TCERG1: variants seen among roughly 807,000 people sequenced by gnomAD.
TCERG1 encodes the protein transcription elongation regulator 1.
Under a neutral mutation model 144.7 loss-of-function variants are expected in TCERG1, and 37 were observed. The observed-to-expected ratio is 0.26, with a 90% CI of 0.20 to 0.34. TCERG1 has a LOEUF of 0.34. Ranked by LOEUF, TCERG1 falls within the 10% of genes least tolerant of loss-of-function variation. The probability of loss-of-function intolerance (pLI) is 1.00; values close to 1 mark genes in which losing one functional copy is unlikely to be tolerated. For synonymous variants in TCERG1, 492 were observed against 458.2 expected (o/e 1.07, Z -0.94); for missense variants, 1,027 against 1,380.7 (o/e 0.74, Z 4.06).
chr5:146,485,180 G>A (rs1401226830), intron 15 of TCERG1, among the ~76,000 whole-genome samples: 1 of 152,076 alleles, frequency 6.6e-6, no homozygotes. Flanking sequence ...AGTCATTCTG[G>A]TGTTTGCTAT....
chr5:146,500,174 T>TA (rs970259091), intron 17 of TCERG1, among the ~76,000 whole-genome samples: 69 of 147,520 alleles, frequency 4.7e-4, no homozygotes, highest in Middle Eastern at 3.4e-3. Flanking sequence ...ATTACTAGAT[T>TA]AAAAAAAAAA....
chr5:146,483,851 G>A (rs571515099), intron 15 of TCERG1, among the ~76,000 whole-genome samples: 1 of 151,850 alleles, frequency 6.6e-6, no homozygotes, highest in Non-Finnish European at 1.5e-5. Flanking sequence ...TAAACATTTT[G>A]TCCTTATGCC....
intron 15 of TCERG1, among the ~76,000 whole-genome samples, chr5:146,487,517 C>G (rs918136561): frequency 1.4e-4 from 22 of 152,094 alleles, no homozygotes; most frequent in African/African-American, 5.3e-4. Flanking sequence ...AAAACCAAGG[C>G]AGGAGATCAC....
chr5:146,507,010 A>G lies in TCERG1; in HGVS notation c.2782-18A>G. The G allele has an allele frequency of 6.4e-7, 1 of 1,550,606 alleles. No homozygotes were observed. The highest frequency in any genetic ancestry group is 2.1e-5 in the Admixed American group (1 of 46,738). On this transcript the variant is annotated intron_variant, in intron 19 of 22. Coordinates refer to ENST00000679501, the MANE Select transcript of TCERG1 (RefSeq NM_001382548.1). The surrounding 1 kb of genome is among the most constrained non-coding windows in gnomAD (Gnocchi z 4.6). ...GATAAGTCTCTTTGGTGATATATAT[A>G]TAATTTTTTCTCTTCAGGTACGTTC...
intron 5 of TCERG1, among the ~76,000 whole-genome samples, chr5:146,466,177 C>T (rs1763772165): frequency 6.6e-6 from 1 of 151,988 alleles, no homozygotes; most frequent in African/African-American, 2.4e-5. Flanking sequence ...TTGTTTTTTT[C>T]TTCCCCAAAT....
chr5:146,468,455 T>C, intron 6 of TCERG1, 52 bp downstream of exon 6: 1 of 1,535,258 alleles, frequency 6.5e-7, no homozygotes, highest in Non-Finnish European at 8.9e-7. Flanking sequence ...GGCATGGTAG[T>C]GAATGTTGTT....
chr5:146,458,010 C>A (rs1358966833), intron 3 of TCERG1, among the ~76,000 whole-genome samples: 1 of 151,326 alleles, frequency 6.6e-6, no homozygotes, highest in Non-Finnish European at 1.5e-5. Context: ...CCATCATGCT[C>A]GGCTAATTTT....
intron 15 of TCERG1, among the ~76,000 whole-genome samples, chr5:146,485,473 CTT>C (rs1765737643): frequency 1.3e-5 from 2 of 152,142 alleles, no homozygotes; most frequent in African/African-American, 4.8e-5. Flanking sequence ...GGCTTTAAAA[CTT>C]TTATGACGTA....
chr5:146,488,585 A>G (rs2150655278), intron 15 of TCERG1, among the ~76,000 whole-genome samples: 1 of 152,322 alleles, frequency 6.6e-6, no homozygotes, highest in Non-Finnish European at 1.5e-5. Context: ...AATACTGGCA[A>G]GGATACTCAG....
In TCERG1 at chr5:146,483,611, T is replaced by C. The variant is rs1156528075; in HGVS notation, c.2145T>C (p.Asn715=). Residue 715 remains asparagine (N), a synonymous_variant, in exon 15 of 23, where the codon AAT becomes AAC. Transcript: ENST00000679501. ...IVFDPRYLLL[N]PKERKQVFDQ... is the part of the protein sequence containing the mutation. ...TTGATCCCCGGTACTTACTTCTCAA[T>C]CCTAAAGAGAGAAAACAGGTAAAAG... 1.1e-5 allele frequency: 17 copies of C among 1,611,208 alleles called. No individual in the cohort carries two copies. The highest frequency in any genetic ancestry group is 1.4e-5 in the Non-Finnish European group (16 of 1,178,682).
chr5:146,447,715 C>T (rs1021880179), intron 1 of TCERG1, among the ~76,000 whole-genome samples: 1 of 152,234 alleles, frequency 6.6e-6, no homozygotes, highest in Non-Finnish European at 1.5e-5. Context: ...CCCGCCTCAG[C>T]CGCGTGTCGC....
rs781116110 is a variant in TCERG1, at chr5:146,454,199, C to CA, written c.60-845dup. Among the ~76,000 whole-genome samples the CA allele has an allele frequency of 4.3e-3, 527 of 122,952 alleles. 1 individual carries two copies. The highest frequency in any genetic ancestry group is 5.8e-3 in the African/African-American group (189 of 32,822). 80.7% of individuals were successfully genotyped at this position (122,952 alleles called of 152,430 possible). On this transcript the variant is annotated intron_variant, in intron 1 of 22. Transcript: ENST00000679501. Reference sequence around the variant, plus strand: ...CTGGCAAGAGAGTGAGACTTGGTCTCAAAAAAAAAAAAGAAAAGAAAAGAA... The same window carrying CA: ...CTGGCAAGAGAGTGAGACTTGGTCTCAAAAAAAAAAAAAGAAAAGAAAAGAA...
chr5:146,505,162 T>C (rs1403975669), intron 19 of TCERG1, among the ~76,000 whole-genome samples: 4 of 151,850 alleles, frequency 2.6e-5, no homozygotes, highest in Admixed American at 2.0e-4. Flanking sequence ...TTGGGGTACA[T>C]TCAGAGCCAT....
At position 146,466,445 on chromosome 5, in the gene TCERG1, G is replaced by A. The variant is rs148422992; in HGVS notation, c.1136-1896G>A. Among the ~76,000 whole-genome samples, 11 of 152,242 alleles carry A rather than the reference G, an allele frequency of 7.2e-5. 1 individual carries two copies. In the East Asian group the frequency reaches 2.1e-3, roughly 29 times the overall value. On this transcript the variant is annotated intron_variant, in intron 5 of 22. Transcript: ENST00000679501. ...GATAAATGGGTCTAGGATTATAGGA[G>A]TTCTACTTCTAAAACTATAAAATCT...
chr5:146,459,311 C>A lies in TCERG1; in HGVS notation c.866C>A (p.Ala289Asp). 1 of 1,614,178 alleles carries A rather than the reference C, an allele frequency of 6.2e-7. No homozygotes were observed. Among genetic ancestry groups the A allele is most frequent in the Admixed American group, 1.7e-5 (1 of 60,032 alleles). Residue 289 changes from alanine to aspartate, a missense_variant, in exon 4 of 23, where the codon GCT (alanine) becomes GAT (aspartate). This residue lies in a region of TCERG1 where 187 missense variants were observed against 169.1 expected (regional missense o/e 1.11). Coordinates refer to ENST00000679501, the MANE Select transcript of TCERG1 (RefSeq NM_001382548.1). ...TCTACCACTTCTACCACAACAACTG[C>A]TACTTCAGTTGCGCAGACAGTATCA... ...PSSTTSTTTT[A>D]TSVAQTVSTP...
chr5:146,481,903 T>C (rs1269865702), intron 13 of TCERG1: 2 of 152,176 alleles, frequency 1.3e-5, no homozygotes, highest in Non-Finnish European at 1.5e-5. Context: ...AGAAGTAGTT[T>C]AGTCATTGAT....
chr5:146,467,923 T>A (rs1763932223), intron 5 of TCERG1, among the ~76,000 whole-genome samples: 1 of 152,252 alleles, frequency 6.6e-6, no homozygotes, highest in African/African-American at 2.4e-5. Flanking sequence ...AGTTTCAACT[T>A]AGCGGCAGCA....
In TCERG1 at chr5:146,455,099, C is replaced by T. The variant is rs767257246; in HGVS notation, c.103C>T (p.Pro35Ser). The T allele has an allele frequency of 1.9e-6, 3 of 1,614,140 alleles. No homozygotes were observed. Among genetic ancestry groups the T allele is most frequent in the African/African-American group, 2.7e-5 (2 of 74,944 alleles). ...CTTGAGGTTCCGAGGTCCGGCTCCC[C>T]CACCAAATGCAGTGATGCGAGGCCC... ...QALRFRGPAP[P>S]PNAVMRGPPP... Residue 35 changes from proline (P) to serine (S), a missense_variant, in exon 2 of 23, where the codon CCA becomes TCA. By Grantham distance (74) the Pro-to-Ser change is moderately conservative. Coordinates refer to ENST00000679501, the MANE Select transcript of TCERG1 (RefSeq NM_001382548.1).
intron 5 of TCERG1, among the ~76,000 whole-genome samples, chr5:146,464,945 GT>G (rs892377922): frequency 3.4e-5 from 5 of 148,986 alleles, no homozygotes; most frequent in African/African-American, 4.9e-5. Context: ...AAAATTTCAG[GT>G]TTTTTTTTTA....
Sources: allele counts gnomAD v4.1 joint callset (sites outside exome capture counted in the v4.1 genomes callset), GRCh38; gene constraint gnomAD v4.1.1; regional missense constraint gnomAD v4.1.1; non-coding constraint Gnocchi (gnomAD v3.1); transcripts MANE v1.5; gene names NCBI Gene and HGNC (gene_info 2026-07-23, HGNC 2026-07-21).